C7: variants seen among roughly 807,000 people sequenced by gnomAD.
C7 encodes the protein complement C7, also known as complement component C7.
A neutral mutation model predicts 104.8 loss-of-function variants in C7; 83 were observed. The ratio of observed to expected loss-of-function variants is 0.79; its 90% CI spans 0.66 to 0.95. The LOEUF is 0.95. C7 is among the 40% of genes least tolerant of loss of function. The pLI, the probability that C7 is intolerant of heterozygous loss-of-function variation, is 0.00. For missense variants in C7, 1,070 were observed against 1,011.2 expected, an observed-to-expected ratio of 1.06 and a Z score of -0.79; for synonymous variants, 415 against 360.6, an observed-to-expected ratio of 1.15 and a Z score of -1.71.
chr5:40,950,242 C>T (rs1740139728), intron 9 of C7, among the ~76,000 whole-genome samples: 1 of 151,468 alleles, frequency 6.6e-6, no homozygotes, highest in African/African-American at 2.4e-5. Context: ...TGTGTTGCTC[C>T]TCTGTCTATT....
intron 17 of C7, among the ~76,000 whole-genome samples, chr5:40,980,963 G>A (rs1740928862): frequency 6.6e-6 from 1 of 152,008 alleles, no homozygotes; most frequent in Non-Finnish European, 1.5e-5. Context: ...TTGTTTTTTG[G>A]GATTTGTAGC....
At chr5:40,952,269 G>C (rs1454380110) in intron 9 of C7, among the ~76,000 whole-genome samples, 1 of 152,170 alleles carries the variant, frequency 6.6e-6, no homozygotes, top group East Asian at 1.9e-4. Context: ...GGACACTGAG[G>C]CCCAGAAATG....
At chr5:40,927,098 A>G (rs1739569805) in intron 1 of C7, among the ~76,000 whole-genome samples, 2 of 152,102 alleles carry the variant, frequency 1.3e-5, no homozygotes, top group African/African-American at 2.4e-5. Context: ...CACCCCACAT[A>G]TATGGTCGAT....
Position 40,979,722 on chromosome 5 carries a change from C to T in C7, c.2166-3C>T. ...AAATAATGTCATTAAAAATTCTTTT[C>T]AGACCTTCCTTGGATGTATGTGCTC... is the stretch of plus-strand genomic sequence containing the variant. On this transcript the variant is annotated splice_polypyrimidine_tract_variant and splice_region_variant and intron_variant, in intron 16 of 17. Coordinates refer to ENST00000313164, the MANE Select transcript of C7 (RefSeq NM_000587.4). The T allele has an allele frequency of 6.2e-7, 1 of 1,600,574 alleles. No individual in the cohort carries two copies. The highest frequency in any genetic ancestry group is 8.5e-7 in the Non-Finnish European group (1 of 1,173,536).
At chr5:40,935,643 T>C (rs529228049) in intron 4 of C7, among the ~76,000 whole-genome samples, 1 of 152,302 alleles carries the variant, frequency 6.6e-6, no homozygotes, top group African/African-American at 2.4e-5. Context: ...CTTTTATTCA[T>C]GCAGGTAGTC....
chr5:40,976,186 G>A (rs1231054483), intron 15 of C7, among the ~76,000 whole-genome samples: 1 of 152,230 alleles, frequency 6.6e-6, no homozygotes, highest in Non-Finnish European at 1.5e-5. Flanking sequence ...ATATGTAAGA[G>A]GTTATTGTAG....
intron 13 of C7, among the ~76,000 whole-genome samples, chr5:40,963,476 C>G (rs1461890992): frequency 3.9e-5 from 6 of 152,150 alleles, no homozygotes; most frequent in African/African-American, 1.4e-4. Context: ...TTCCCTCAAA[C>G]CTCAGCATCA....
intron 9 of C7, among the ~76,000 whole-genome samples, chr5:40,951,005 A>C (rs1392321901): frequency 6.6e-6 from 1 of 152,200 alleles, no homozygotes; most frequent in African/African-American, 2.4e-5. Flanking sequence ...TGATGAAATA[A>C]AAGTTTACCT....
At chr5:40,962,538 T>C (rs113677397) in intron 13 of C7, among the ~76,000 whole-genome samples, 2,178 of 152,164 alleles carry the variant, frequency 0.014, 46 homozygotes, top group African/African-American at 0.05. Flanking sequence ...CTTTTTTTTT[T>C]CCCCCTCATA....
intron 10 of C7, among the ~76,000 whole-genome samples, chr5:40,955,846 C>T (rs1051120677): frequency 6.6e-6 from 1 of 152,086 alleles, no homozygotes; most frequent in Non-Finnish European, 1.5e-5. Context: ...CTTCCTTGGT[C>T]CCTAATTCAG....
rs962885350 is a variant in C7, at chr5:40,982,130, T to G, written c.*557T>G. 1 of 152,250 alleles carries G rather than the reference T, an allele frequency of 6.6e-6. No homozygotes were observed. The highest frequency in any genetic ancestry group is 2.1e-4 in the South Asian group (1 of 4,832). 9.4% of individuals were successfully genotyped at this position (152,250 alleles called of 1,614,324 possible). On this transcript the variant is annotated 3_prime_UTR_variant, in exon 18 of 18. Transcript: ENST00000313164. ...ATCCTATAGAGTCAACCACCACAGA[T>G]AGGAATTCCTTATTCTTTTTTTAAT...
rs1740270374 is a variant in C7, at chr5:40,955,500, T to C, written c.1207T>C (p.Tyr403His). ...LDNPAGNKRR[Y>H]SAWAESVTNL... ...CAATCCTGCTGGAAACAAAAGGCGATATTCTGCCTGGGCAGAATCTGTGAC... is the reference window on the plus strand; with the variant it reads ...CAATCCTGCTGGAAACAAAAGGCGACATTCTGCCTGGGCAGAATCTGTGAC... Residue 403 changes from tyrosine to histidine, a missense_variant, in exon 10 of 18, where the codon TAT becomes CAT. Transcript: ENST00000313164. 1 of 1,613,628 alleles carries C rather than the reference T, an allele frequency of 6.2e-7. No individual in the cohort carries two copies. Among genetic ancestry groups the C allele is most frequent in the Non-Finnish European group, 8.5e-7 (1 of 1,179,656 alleles).
rs967123473 is a variant in C7 at position 40,972,309 on chromosome 5, A to G, written c.1883-94A>G. 9.0e-6 allele frequency: 9 copies of G among 995,670 alleles called. No homozygotes were observed. The African/African-American group carries it at 1.3e-4, about 14-fold the overall frequency. 61.7% of individuals were successfully genotyped at this position (995,670 alleles called of 1,614,324 possible). A position where few individuals can be genotyped will look rare whatever the true frequency, so the allele number is the denominator to read the frequency against. ...TCCTCCTTGTCCTCTAATATGAAAA[A>G]GCAGAACAAGTGTGTCTGCATCACA... On this transcript the variant is annotated intron_variant, in intron 14 of 17. Coordinates refer to ENST00000313164, the MANE Select transcript of C7 (RefSeq NM_000587.4).
chr5:40,911,134 ATTAT>A (rs1739199564), intron 1 of C7: 1 of 152,214 alleles, frequency 6.6e-6, no homozygotes, highest in Non-Finnish European at 1.5e-5. Context: ...CACTAAAGCA[ATTAT>A]TTCACTCCAA....
chr5:40,981,476 A>G lies in C7; in HGVS notation c.2435A>G (p.Glu812Gly). The G allele has an allele frequency of 6.2e-7, 1 of 1,613,794 alleles. No homozygotes were observed. The highest frequency in any genetic ancestry group is 1.1e-5 in the South Asian group (1 of 91,014). The change falls in exon 18 of 18, where the codon GAG becomes GGG. Residue 812 changes from glutamate (E) to glycine (G), a missense_variant. Coordinates refer to ENST00000313164, the MANE Select transcript of C7 (RefSeq NM_000587.4). ...ATTTGTGTGGAAGTGAACGGCAAGG[A>G]GCAGACGATGTCTGAGTGTGAGGCG... ...FSICVEVNGK[E>G]QTMSECEAGA...
chr5:40,948,636 A>G (rs1295473014), intron 8 of C7, among the ~76,000 whole-genome samples: 1 of 152,196 alleles, frequency 6.6e-6, no homozygotes, highest in Non-Finnish European at 1.5e-5. Flanking sequence ...CTATCTGTCT[A>G]GATATGGGCA....
At chr5:40,954,062 A>G (rs1473452829) in intron 9 of C7, among the ~76,000 whole-genome samples, 2 of 152,164 alleles carry the variant, frequency 1.3e-5, no homozygotes, top group East Asian at 3.9e-4. Flanking sequence ...GAGATAAAGT[A>G]TTTCTAAAAT....
At chr5:40,965,004 T>C in intron 14 of C7, 131 bp downstream of exon 14, 1 of 1,082,830 alleles carries the variant, frequency 9.2e-7, no homozygotes, top group Middle Eastern at 2.0e-4. Flanking sequence ...ATGATCCTGT[T>C]CAAGTTTTAG....
intron 10 of C7, among the ~76,000 whole-genome samples, chr5:40,956,316 A>G (rs73073920): frequency 0.013 from 2,023 of 152,326 alleles, 51 homozygotes; most frequent in African/African-American, 0.047. Context: ...AAGTGCTAGA[A>G]GGACGCCAGT....
Sources: gnomAD v4.1 joint callset for allele counts (sites outside exome capture counted in the v4.1 genomes callset) on GRCh38, gnomAD v4.1.1 for gene constraint, MANE v1.5 for transcripts, NCBI Gene and HGNC (gene_info 2026-07-23, HGNC 2026-07-21) for gene names.